Variants in APBB1IP observed in about 807,000 individuals in gnomAD.
The protein encoded by APBB1IP is amyloid beta A4 precursor protein-binding family B member 1-interacting protein.
Under a neutral mutation model 64.9 loss-of-function variants are expected in APBB1IP, and 27 were observed. The observed-to-expected ratio is 0.42, with a 90% CI of 0.31 to 0.57. The LOEUF is 0.57. Among genes scored for constraint, APBB1IP ranks in the 20% least tolerant of loss-of-function variants. The probability of loss-of-function intolerance (pLI) is 0.20; values close to 1 mark genes in which losing one functional copy is unlikely to be tolerated. For synonymous variants in APBB1IP, 392 were observed against 331.0 expected (o/e 1.18, Z -2.00); for missense variants, 812 against 845.5 (o/e 0.96, Z 0.49).
chr10:26,444,824 C>T (rs12414203), intron 2 of APBB1IP, among the ~76,000 whole-genome samples: 16 of 152,148 alleles, frequency 1.1e-4, no homozygotes, highest in Admixed American at 9.2e-4. Context: ...ACATAGGCTG[C>T]GTGGTGGCTC....
chr10:26,449,517 CT>C (rs1294075321), intron 2 of APBB1IP, among the ~76,000 whole-genome samples: 2 of 152,114 alleles, frequency 1.3e-5, no homozygotes, highest in Non-Finnish European at 2.9e-5. Context: ...GAAGCAGGAA[CT>C]GTTGTTTTGT....
intron 2 of APBB1IP, 112 bp downstream of exon 2, chr10:26,438,965 G>C (rs1452670349): frequency 6.6e-6 from 1 of 152,236 alleles, no homozygotes; most frequent in Non-Finnish European, 1.5e-5. Context: ...GGCAGCTCCA[G>C]GATCTGGCCT....
chr10:26,465,724 C>G (rs990168364), intron 2 of APBB1IP, among the ~76,000 whole-genome samples: 1 of 152,150 alleles, frequency 6.6e-6, no homozygotes, highest in Non-Finnish European at 1.5e-5. Context: ...TGTCATTCAC[C>G]AGATGTGTGT....
intron 8 of APBB1IP, among the ~76,000 whole-genome samples, chr10:26,526,815 C>T (rs1818156517): frequency 6.6e-6 from 1 of 152,132 alleles, no homozygotes; most frequent in African/African-American, 2.4e-5. Context: ...CACCCATAAT[C>T]TCACTCTTTA....
chr10:26,532,478 T>A (rs972877837), intron 8 of APBB1IP, among the ~76,000 whole-genome samples: 3 of 152,092 alleles, frequency 2.0e-5, no homozygotes, highest in Non-Finnish European at 2.9e-5. Context: ...TTTCTTTATT[T>A]TTTTATTTTA....
At chr10:26,551,043 G>T (rs1232967627) in intron 11 of APBB1IP, among the ~76,000 whole-genome samples, 1 of 152,176 alleles carries the variant, frequency 6.6e-6, no homozygotes, top group Admixed American at 6.5e-5. Context: ...TGGATGGTGT[G>T]GGAAAGCCGG....
In APBB1IP at chr10:26,511,750, G is replaced by A. The variant is rs750180116; in HGVS notation, c.535G>A (p.Val179Ile). 1.6e-5 allele frequency: 26 copies of A among 1,613,908 alleles called. No homozygotes were observed. The highest frequency in any genetic ancestry group is 3.3e-5 in the Admixed American group (2 of 59,998). The change falls in exon 7 of 15, where the codon GTC (valine) becomes ATC (isoleucine). Residue 179 changes from valine to isoleucine, a missense_variant. Coordinates refer to ENST00000376236, the MANE Select transcript of APBB1IP (RefSeq NM_019043.4). Reference sequence around the variant, plus strand: ...TGCCCCATGGTTCTATCCTCAGCTCGTCGTCAAGGTGCACATGAATGATAA... The same window carrying A: ...TGCCCCATGGTTCTATCCTCAGCTCATCGTCAAGGTGCACATGAATGATAA... ...KLKEAKVKKLVVKVHMNDNST... is the reference protein window; with the variant it reads ...KLKEAKVKKLIVKVHMNDNST...
At chr10:26,561,070 T>TTC (rs1554781038) in intron 13 of APBB1IP, among the ~76,000 whole-genome samples, 3 of 120,406 alleles carry the variant, frequency 2.5e-5, no homozygotes, top group East Asian at 5.0e-4. Flanking sequence ...CTTTCTTTTT[T>TTC]TTTTTTTTTT....
At chr10:26,483,682 C>T (rs1353332770) in intron 2 of APBB1IP, among the ~76,000 whole-genome samples, 1 of 152,118 alleles carries the variant, frequency 6.6e-6, no homozygotes, top group Non-Finnish European at 1.5e-5. Flanking sequence ...ATTGCAAAGT[C>T]ATTTTTATAC....
chr10:26,460,389 C>T (rs1269440537), intron 2 of APBB1IP, among the ~76,000 whole-genome samples: 1 of 152,106 alleles, frequency 6.6e-6, no homozygotes, highest in Non-Finnish European at 1.5e-5. Flanking sequence ...CATTGACTCC[C>T]CAGCAATGTT....
At chr10:26,541,779 C>A in intron 11 of APBB1IP, 87 bp downstream of exon 11, 3 of 909,500 alleles carry the variant, frequency 3.3e-6, no homozygotes, top group South Asian at 1.7e-5. Flanking sequence ...TTATAGTTAG[C>A]CATATGTGTA....
chr10:26,536,239 G>C (rs534716511), intron 10 of APBB1IP, 22 bp downstream of exon 10: 1 of 1,270,466 alleles, frequency 7.9e-7, no homozygotes, highest in Non-Finnish European at 1.1e-6. Flanking sequence ...AAAAAAAAAA[G>C]CACTTAGCAA....
chr10:26,500,187 G>T (rs1292959131), intron 4 of APBB1IP, among the ~76,000 whole-genome samples: 1 of 149,528 alleles, frequency 6.7e-6, no homozygotes, highest in Non-Finnish European at 1.5e-5. Flanking sequence ...CTCCAGCCTG[G>T]GCAATAGATT....
intron 4 of APBB1IP, among the ~76,000 whole-genome samples, chr10:26,499,339 T>G (rs545105906): frequency 6.6e-6 from 1 of 151,812 alleles, no homozygotes; most frequent in African/African-American, 2.4e-5. Flanking sequence ...AAAGAAATTA[T>G]ATATAAAAAA....
At chr10:26,527,498 G>A (rs560807105) in intron 8 of APBB1IP, among the ~76,000 whole-genome samples, 1 of 148,624 alleles carries the variant, frequency 6.7e-6, no homozygotes, top group South Asian at 2.1e-4. Flanking sequence ...AGTGAGCTAT[G>A]ATCCACTGCA....
intron 9 of APBB1IP, among the ~76,000 whole-genome samples, chr10:26,535,505 T>C (rs1209824820): frequency 6.6e-6 from 1 of 152,152 alleles, no homozygotes; most frequent in African/African-American, 2.4e-5. Context: ...GATTAAGTTA[T>C]TATTGACTAT....
At chr10:26,448,251 C>A (rs1835423895) in intron 2 of APBB1IP, among the ~76,000 whole-genome samples, 2 of 151,860 alleles carry the variant, frequency 1.3e-5, no homozygotes, top group South Asian at 2.1e-4. Flanking sequence ...CCATGTTGCC[C>A]AGGCTGGTCT....
chr10:26,480,726 C>G (rs1416386893), intron 2 of APBB1IP, among the ~76,000 whole-genome samples: 1 of 149,498 alleles, frequency 6.7e-6, no homozygotes, highest in Non-Finnish European at 1.5e-5. Context: ...CTCGACCTCC[C>G]AAAGTGCTGG....
chr10:26,480,614 C>T (rs1221196622), intron 2 of APBB1IP, among the ~76,000 whole-genome samples: 1 of 143,356 alleles, frequency 7.0e-6, no homozygotes, highest in African/African-American at 2.6e-5. Context: ...AATGGTTGAG[C>T]TGCTTCTTTT....
Sources: gnomAD v4.1 joint callset for allele counts (sites outside exome capture counted in the v4.1 genomes callset) on GRCh38, gnomAD v4.1.1 for gene constraint, MANE v1.5 for transcripts, NCBI Gene and HGNC (gene_info 2026-07-23, HGNC 2026-07-21) for gene names.